Variants in COLEC11 observed in about 807,000 individuals in gnomAD.
The protein encoded by COLEC11 is collectin subfamily member 11.
In COLEC11, 20 loss-of-function variants were observed where a neutral mutation model predicts 27.3. The observed-to-expected ratio is 0.73, with a 90% CI of 0.51 to 1.06. The LOEUF is 1.06. COLEC11 is among the 50% of genes least tolerant of loss of function. The pLI, the probability that COLEC11 is intolerant of heterozygous loss-of-function variation, is 0.00. For synonymous variants in COLEC11, 163 were observed against 154.7 expected (o/e 1.05, Z -0.40); for missense variants, 310 against 383.0 (o/e 0.81, Z 1.59).
intron 3 of COLEC11, among the ~76,000 whole-genome samples, chr2:3,620,782 T>G (rs1374073730): frequency 6.6e-6 from 1 of 152,130 alleles, no homozygotes; most frequent in Non-Finnish European, 1.5e-5. Flanking sequence ...TTTGATTTCT[T>G]TTTTGACTCA....
At chr2:3,606,045 GCT>G (rs1662666661) in intron 2 of COLEC11, 1 of 1,545,372 alleles carries the variant, frequency 6.5e-7, no homozygotes, top group South Asian at 1.2e-5. Flanking sequence ...GATGCCTACG[GCT>G]CTCTCAGAAG....
chr2:3,619,320 G>A lies in COLEC11; in HGVS notation c.202+5938G>A, dbSNP rs75742135. ...TTCCAGCACTATATTGAATACAAGA[G>A]GCGAGAATGGGCATCCTTGCCTTGT... is the stretch of plus-strand genomic sequence containing the variant. On this transcript the variant is annotated intron_variant, in intron 3 of 6. Transcript: ENST00000349077. Among the ~76,000 whole-genome samples, 34 of 152,186 alleles carry A rather than the reference G, an allele frequency of 2.2e-4. 1 individual carries two copies. The highest frequency in any genetic ancestry group is 6.2e-4 in the South Asian group (3 of 4,808).
At chr2:3,626,559 A>G (rs1664571297) in intron 3 of COLEC11, among the ~76,000 whole-genome samples, 2 of 152,190 alleles carry the variant, frequency 1.3e-5, no homozygotes, top group African/African-American at 2.4e-5. Flanking sequence ...CTCCGTTTGC[A>G]CAGAAGAAAG....
intron 3 of COLEC11, among the ~76,000 whole-genome samples, chr2:3,631,083 T>G (rs1305034763): frequency 6.6e-6 from 1 of 151,896 alleles, no homozygotes; most frequent in East Asian, 1.9e-4. Flanking sequence ...ATACAAAAAT[T>G]AGCCAGACAT....
At chr2:3,637,269 G>A (rs3811530) in intron 3 of COLEC11, among the ~76,000 whole-genome samples, 96,296 of 152,068 alleles carry the variant, frequency 0.63, 33,417 homozygotes, top group East Asian at 0.87. Context: ...GAACTTAGGG[G>A]TGCCCCGTTC....
chr2:3,625,625 CTTTTTT>C (rs60222284), intron 3 of COLEC11, among the ~76,000 whole-genome samples: 1 of 91,460 alleles, frequency 1.1e-5, no homozygotes, highest in African/African-American at 4.8e-5. Flanking sequence ...TTCTTTTTTA[CTTTTTT>C]TTTTTTTTTT....
chr2:3,606,116 G>A (rs1572394751), intron 2 of COLEC11: 1 of 1,550,610 alleles, frequency 6.4e-7, no homozygotes, highest in East Asian at 2.4e-5. Context: ...TTTGTGAGTG[G>A]AACCTTCAGC....
intron 2 of COLEC11, among the ~76,000 whole-genome samples, chr2:3,606,940 C>T (rs1026579431): frequency 6.6e-6 from 1 of 152,256 alleles, no homozygotes; most frequent in Non-Finnish European, 1.5e-5. Context: ...ATTCATTAGA[C>T]AAGCGTCCGT....
intron 3 of COLEC11, among the ~76,000 whole-genome samples, chr2:3,616,042 C>T (rs1044953382): frequency 3.0e-5 from 4 of 134,210 alleles, no homozygotes; most frequent in African/African-American, 8.6e-5. Flanking sequence ...ACCTCTGAGG[C>T]GGGGCGGCCG....
intron 5 of COLEC11, among the ~76,000 whole-genome samples, chr2:3,642,924 C>G (rs1665979213): frequency 6.6e-6 from 1 of 152,214 alleles, no homozygotes; most frequent in Non-Finnish European, 1.5e-5. Context: ...CCCCACTCCC[C>G]ACCTGACATG....
rs770647475 is a variant in COLEC11 at position 3,644,137 on chromosome 2, C to G, written c.*19C>G. On this transcript the variant is annotated 3_prime_UTR_variant, in exon 7 of 7. Transcript: ENST00000349077. The stretch of plus-strand genomic sequence containing the variant: ...CATGTGAGCCTCAGGCTGGGGCTGC[C>G]CATTGGGGGCCCCACATGTCCCTGC... 3 of 1,604,216 alleles carry G rather than the reference C, an allele frequency of 1.9e-6. No homozygotes were observed. The highest frequency in any genetic ancestry group is 2.5e-6 in the Non-Finnish European group (3 of 1,179,992).
chr2:3,619,959 G>A (rs896982662), intron 3 of COLEC11, among the ~76,000 whole-genome samples: 43 of 152,252 alleles, frequency 2.8e-4, no homozygotes, highest in African/African-American at 1.0e-3. Flanking sequence ...GTTAAATTTG[G>A]TTTGCTAGCA....
chr2:3,635,096 CTCCCCTGCCTGTCCCCCA>C (rs1212415417), intron 3 of COLEC11, among the ~76,000 whole-genome samples: 4 of 37,348 alleles, frequency 1.1e-4, no homozygotes, highest in Non-Finnish European at 2.6e-4. Flanking sequence ...CTGTCCCCCT[CTCCCCTGCCTGTCCCCCA>C]TCCCCTGCCT....
At chr2:3,598,742 A>G (rs969545110) in intron 1 of COLEC11, among the ~76,000 whole-genome samples, 2 of 151,188 alleles carry the variant, frequency 1.3e-5, no homozygotes, top group African/African-American at 4.9e-5. Flanking sequence ...AGGAGGCTGG[A>G]GGCGGGCCGT....
At chr2:3,635,044 C>A (rs1558514825) in intron 3 of COLEC11, among the ~76,000 whole-genome samples, 1 of 151,870 alleles carries the variant, frequency 6.6e-6, no homozygotes. Flanking sequence ...CAGGTGCCCT[C>A]CTGGCCCTTG....
chr2:3,631,472 G>T (rs1019759296), intron 3 of COLEC11, among the ~76,000 whole-genome samples: 1 of 152,116 alleles, frequency 6.6e-6, no homozygotes, highest in African/African-American at 2.4e-5. Flanking sequence ...CCACCCCCAG[G>T]CCCAGCTGTG....
rs540134236 is a variant in COLEC11 at position 3,642,906 on chromosome 2, G to A, written c.329-538G>A. On this transcript the variant is annotated intron_variant, in intron 5 of 6. Coordinates refer to ENST00000349077, the MANE Select transcript of COLEC11 (RefSeq NM_024027.5). ...GTGTGTGCCCACGATGCCCAGCTCT[G>A]CCCTGGCCCCCACTCCCCACCTGAC... is the stretch of plus-strand genomic sequence containing the variant. 2.6e-5 allele frequency among the ~76,000 whole-genome samples: 4 copies of A among 152,282 alleles called. No individual in the cohort carries two copies. In the South Asian group the frequency reaches 8.3e-4, roughly 32 times the overall value.
intron 3 of COLEC11, among the ~76,000 whole-genome samples, chr2:3,627,214 G>A (rs1664617930): frequency 6.6e-6 from 1 of 152,058 alleles, no homozygotes; most frequent in Non-Finnish European, 1.5e-5. Context: ...AACCACTGCA[G>A]TCCTGGGCAA....
chr2:3,603,038 T>C (rs547278654), intron 1 of COLEC11, among the ~76,000 whole-genome samples: 1 of 152,350 alleles, frequency 6.6e-6, no homozygotes, highest in Admixed American at 6.5e-5. Context: ...CACAAATGTT[T>C]CTGAACGAAT....
Sources: allele counts gnomAD v4.1 joint callset (sites outside exome capture counted in the v4.1 genomes callset), GRCh38; gene constraint gnomAD v4.1.1; transcripts MANE v1.5; gene names NCBI Gene and HGNC (gene_info 2026-07-23, HGNC 2026-07-21).